The following SLC39A14 variants were observed in gnomAD, a reference collection of about 807,000 sequenced individuals.
The protein encoded by SLC39A14 is metal cation symporter ZIP14.
In SLC39A14, 19 loss-of-function variants were observed where a neutral mutation model predicts 45.5. The observed-to-expected ratio is 0.42, with a 90% confidence interval of 0.29 to 0.61. The LOEUF is 0.61. Ranked by LOEUF, SLC39A14 falls within the 20% of genes least tolerant of loss-of-function variation. SLC39A14 has a pLI of 0.22. For synonymous variants in SLC39A14, 264 were observed against 251.3 expected, an observed-to-expected ratio of 1.05 and a Z score of -0.48; for missense variants, 447 against 616.5, an observed-to-expected ratio of 0.73 and a Z score of 2.91.
intron 1 of SLC39A14, among the ~76,000 whole-genome samples, chr8:22,373,622 T>C (rs1242483504): frequency 6.6e-6 from 1 of 152,162 alleles, no homozygotes; most frequent in African/African-American, 2.4e-5. Context: ...AGAATAAAAA[T>C]AGTCTTTTAC....
In SLC39A14 at chr8:22,430,954, C is replaced by T. The variant is rs377300985; in HGVS notation, c.1333-2937C>T. 1.2e-3 allele frequency among the ~76,000 whole-genome samples: 183 copies of T among 148,076 alleles called. 6 individuals carry two copies. In the South Asian group the frequency reaches 0.038, roughly 31 times the overall value. The stretch of plus-strand genomic sequence containing the variant: ...TCCCAAAGTGCTGGGATTATAGGGG[C>T]GAGCTGCCGCAGCCGGTCTGGGACT... On this transcript the variant is annotated intron_variant, in intron 8 of 8. Transcript: ENST00000240095.
intron 8 of SLC39A14, among the ~76,000 whole-genome samples, chr8:22,430,991 CT>C (rs869060206): frequency 5.3e-3 from 319 of 60,556 alleles, no homozygotes; most frequent in Middle Eastern, 0.022. Context: ...CCAATTCCCT[CT>C]TTTTTTTTTT....
At chr8:22,431,992 A>G (rs1327100155) in intron 8 of SLC39A14, among the ~76,000 whole-genome samples, 1 of 152,226 alleles carries the variant, frequency 6.6e-6, no homozygotes, top group Admixed American at 6.5e-5. Flanking sequence ...CAGAAAAGAC[A>G]TTGAGAAAGC....
intron 8 of SLC39A14, among the ~76,000 whole-genome samples, chr8:22,419,192 G>A (rs1033312984): frequency 6.6e-6 from 1 of 151,820 alleles, no homozygotes; most frequent in African/African-American, 2.4e-5. Context: ...TTTTTGTTTT[G>A]TTTTGTTTTG....
Position 22,419,569 on chromosome 8 carries a change from G to C in SLC39A14, c.1350G>C (p.Glu450Asp). ...TTTCCCAGTTCCCTGAGATGAATGA[G>C]GTCTGTCAAGAGGATGAAAGGAAGG... ...SLADMFPEMN[E>D]VCQEDERKGS... The change falls in exon 9 of 9, where the codon GAG becomes GAC. Residue 450 changes from glutamate to aspartate, a missense_variant. This residue lies in a region of SLC39A14 where 105 missense variants were observed against 188.4 expected (regional missense o/e 0.56). Coordinates refer to ENST00000381237, the MANE Select transcript of SLC39A14 (RefSeq NM_001128431.4). 7 of 1,613,046 alleles carry C rather than the reference G, an allele frequency of 4.3e-6. No homozygotes were observed. The highest frequency in any genetic ancestry group is 5.9e-6 in the Non-Finnish European group (7 of 1,179,700).
intron 8 of SLC39A14, among the ~76,000 whole-genome samples, chr8:22,432,825 T>C (rs1464070210): frequency 6.7e-6 from 1 of 150,184 alleles, no homozygotes; most frequent in Non-Finnish European, 1.5e-5. Context: ...TTTGTTTTTT[T>C]TTTTTTTTTG....
At chr8:22,424,466 C>A (rs966448632), downstream of SLC39A14, among the ~76,000 whole-genome samples, 2 of 152,148 alleles carry the variant, frequency 1.3e-5, no homozygotes, top group Non-Finnish European at 2.9e-5. Flanking sequence ...TGAAGTGGCT[C>A]GTGTTGGTCG....
At chr8:22,369,311 T>A (rs1267610191) in intron 1 of SLC39A14, among the ~76,000 whole-genome samples, 1 of 152,204 alleles carries the variant, frequency 6.6e-6, no homozygotes, top group East Asian at 1.9e-4. Flanking sequence ...GATCCAGGTG[T>A]TGACTGACAG....
At chr8:22,404,656 A>G in intron 1 of SLC39A14, 40 bp from the exon 2 acceptor site, 2 of 1,578,122 alleles carry the variant, frequency 1.3e-6, no homozygotes, top group Non-Finnish European at 8.6e-7. Flanking sequence ...GCCGGCACAC[A>G]GGGAGAGGCC....
In SLC39A14 at chr8:22,421,428, G is replaced by A. The variant is rs1836222682; in HGVS notation, c.*1730G>A. On this transcript the variant is annotated 3_prime_UTR_variant, in exon 9 of 9. Transcript: ENST00000381237. ...TGCCTGTTGGCTTCAATACATTTGA[G>A]AATACGCTGAAGAGGGAAAATTTCA... 1.0e-6 allele frequency: 1 copy of A among 985,708 alleles called. No homozygotes were observed. Among genetic ancestry groups the A allele is most frequent in the African/African-American group, 1.7e-5 (1 of 57,238 alleles). 61.1% of individuals were successfully genotyped at this position (985,708 alleles called of 1,614,324 possible).
At chr8:22,388,349 C>G (rs1261321553) in intron 1 of SLC39A14, among the ~76,000 whole-genome samples, 2 of 152,078 alleles carry the variant, frequency 1.3e-5, no homozygotes, top group African/African-American at 4.8e-5. Context: ...ACTTCCTAGT[C>G]CTGTGGCGGG....
At position 22,412,197 on chromosome 8, in the gene SLC39A14, C is replaced by T. The variant is rs1348224091; in HGVS notation, c.618C>T (p.Leu206=). The T allele has an allele frequency of 6.4e-7, 1 of 1,551,688 alleles. No individual in the cohort carries two copies. The highest frequency in any genetic ancestry group is 8.7e-7 in the Non-Finnish European group (1 of 1,146,992). The change falls in exon 4 of 9, where the codon CTC becomes CTT. Residue 206 remains leucine (L), a synonymous_variant. Transcript: ENST00000381237. ...GTLYSNALFQ[L]IPEAFGFNPL... is the part of the protein sequence containing the mutation. Reference sequence around the variant, plus strand: ...TCTACTCCAACGCCCTCTTCCAGCTCATCCCGGAGGTATGGCAAGCCAGGG... The same window carrying T: ...TCTACTCCAACGCCCTCTTCCAGCTTATCCCGGAGGTATGGCAAGCCAGGG...
downstream of SLC39A14, among the ~76,000 whole-genome samples, chr8:22,427,349 T>G (rs939387841): frequency 1.3e-5 from 2 of 152,104 alleles, no homozygotes; most frequent in Non-Finnish European, 2.9e-5. Flanking sequence ...ACATTTTAAA[T>G]GCATCAAAAT....
intron 1 of SLC39A14, among the ~76,000 whole-genome samples, chr8:22,378,301 A>G (rs1408920452): frequency 2.6e-5 from 4 of 152,144 alleles, no homozygotes; most frequent in Non-Finnish European, 5.9e-5. Context: ...CCCGTTTATC[A>G]TTTCTCAATT....
chr8:22,387,035 T>C (rs917955338), intron 1 of SLC39A14, among the ~76,000 whole-genome samples: 6 of 151,922 alleles, frequency 3.9e-5, no homozygotes, highest in Non-Finnish European at 1.5e-5. Flanking sequence ...TAGCCAGGCA[T>C]GGTGGTGTGA....
chr8:22,386,992 T>C (rs1475016477), intron 1 of SLC39A14, among the ~76,000 whole-genome samples: 3 of 151,946 alleles, frequency 2.0e-5, no homozygotes, highest in African/African-American at 4.8e-5. Context: ...GGCAATAGGG[T>C]GAGACCCTGT....
At chr8:22,404,565 A>T in intron 1 of SLC39A14, 131 bp from the exon 2 acceptor site, 1 of 794,372 alleles carries the variant, frequency 1.3e-6, no homozygotes, top group Non-Finnish European at 2.0e-6. Context: ...CTCAAAGGCT[A>T]ATTCAAGAAG....
intron 1 of SLC39A14, among the ~76,000 whole-genome samples, chr8:22,369,656 C>A (rs1832826383): frequency 6.6e-6 from 1 of 152,210 alleles, no homozygotes; most frequent in Non-Finnish European, 1.5e-5. Context: ...GGGAATAATT[C>A]TGGCCTTTTG....
chr8:22,417,093 T>G (rs1380095531), intron 7 of SLC39A14, among the ~76,000 whole-genome samples: 3 of 152,188 alleles, frequency 2.0e-5, no homozygotes, highest in Non-Finnish European at 4.4e-5. Flanking sequence ...TCCAGAGGCT[T>G]TAGGGACGAC....
Sources: allele counts gnomAD v4.1 joint callset (sites outside exome capture counted in the v4.1 genomes callset), GRCh38; gene constraint gnomAD v4.1.1; regional missense constraint gnomAD v4.1.1; transcripts MANE v1.5; gene names NCBI Gene and HGNC (gene_info 2026-07-23, HGNC 2026-07-21).